Variants in EFNB2 observed in about 807,000 individuals in gnomAD.
EFNB2 encodes the protein ephrin-B2.
In EFNB2, 5 loss-of-function variants were observed where a neutral mutation model predicts 32.1. The observed-to-expected ratio is 0.16, with a 90% CI of 0.08 to 0.33. EFNB2 has a LOEUF of 0.33. Among genes scored for constraint, EFNB2 ranks in the 10% least tolerant of loss-of-function variants. The probability of loss-of-function intolerance (pLI) is 1.00; values close to 1 mark genes in which losing one functional copy is unlikely to be tolerated. For missense variants in EFNB2, 263 were observed against 422.6 expected (o/e 0.62, Z 3.31); for synonymous variants, 168 against 166.5 (o/e 1.01, Z -0.07).
intron 2 of EFNB2, among the ~76,000 whole-genome samples, chr13:106,504,582 C>T (rs1048902346): frequency 5.3e-5 from 8 of 152,202 alleles, no homozygotes; most frequent in Admixed American, 1.3e-4. Context: ...CAATTTCCCG[C>T]GTTTGTGCCA....
At position 106,492,924 on chromosome 13, in the gene EFNB2, C is replaced by T; in HGVS notation, c.*116G>A. 1 of 1,375,842 alleles carries T rather than the reference C, an allele frequency of 7.3e-7. No homozygotes were observed. Among genetic ancestry groups the T allele is most frequent in the Non-Finnish European group, 9.8e-7 (1 of 1,020,482 alleles). The allele number at this position is 1,375,842 out of a possible 1,614,324, so 85.2% of individuals were successfully genotyped here. A position where few individuals can be genotyped will look rare whatever the true frequency, so the allele number is the denominator to read the frequency against. On this transcript the variant is annotated 3_prime_UTR_variant, in exon 5 of 5. Transcript: ENST00000646441. This position sits in a 1 kb window ranked among gnomAD's most constrained non-coding sequence, Gnocchi z 5.1. ...GGCTCTTCCGAGGAGGAGTGTCCCT[C>T]TCCCCCGGTGCTGTGCTTCAGTCAA...
At chr13:106,514,582 C>T (rs1171088569) in intron 1 of EFNB2, among the ~76,000 whole-genome samples, 5 of 152,298 alleles carry the variant, frequency 3.3e-5, no homozygotes, top group South Asian at 2.1e-4. Flanking sequence ...AAACTAAATT[C>T]CATAAACATT....
intron 1 of EFNB2, among the ~76,000 whole-genome samples, chr13:106,534,221 C>T (rs975021739): frequency 2.0e-5 from 3 of 152,194 alleles, no homozygotes; most frequent in African/African-American, 7.2e-5. Context: ...CCCGTCTCCC[C>T]GGCGCGGAGG....
chr13:106,495,335 A>G (rs1878551610), intron 3 of EFNB2, among the ~76,000 whole-genome samples: 2 of 152,232 alleles, frequency 1.3e-5, no homozygotes, highest in African/African-American at 4.8e-5. Context: ...ACAATAGGTT[A>G]TCTATATTGG....
intron 1 of EFNB2, among the ~76,000 whole-genome samples, chr13:106,533,772 ACTT>A (rs886469423): frequency 1.6e-4 from 25 of 152,272 alleles, no homozygotes; most frequent in African/African-American, 5.5e-4. Context: ...ATGTCTGCAT[ACTT>A]CTTCTCCAAG....
chr13:106,519,759 CTG>C (rs1879437334), intron 1 of EFNB2: 1 of 152,092 alleles, frequency 6.6e-6, no homozygotes, highest in South Asian at 2.1e-4. Context: ...TTTTAGCTTT[CTG>C]TGTTTTCTTT....
At chr13:106,533,008 G>A (rs1398982845) in intron 1 of EFNB2, among the ~76,000 whole-genome samples, 1 of 151,670 alleles carries the variant, frequency 6.6e-6, no homozygotes, top group Non-Finnish European at 1.5e-5. Context: ...TTAATATAGC[G>A]CAAAGATAAA....
chr13:106,520,103 C>G (rs184738265), intron 1 of EFNB2: 356 of 152,178 alleles, frequency 2.3e-3, no homozygotes, highest in African/African-American at 8.3e-3. Flanking sequence ...ATTCTAAATC[C>G]CAGCTTTACA....
chr13:106,517,687 C>T (rs1213235441), intron 1 of EFNB2: 1 of 152,184 alleles, frequency 6.6e-6, no homozygotes, highest in Non-Finnish European at 1.5e-5. Context: ...TAGGCAACTC[C>T]AGTGGCTTTT....
In EFNB2 at chr13:106,493,243, G is replaced by C. The variant is rs1313807581; in HGVS notation, c.799C>G (p.Leu267Val). The C allele has an allele frequency of 6.8e-6, 11 of 1,614,116 alleles. No homozygotes were observed. Among genetic ancestry groups the C allele is most frequent in the Non-Finnish European group, 9.3e-6 (11 of 1,180,050 alleles). Reference sequence around the variant, plus strand: ...GGTGTGGCCAGTGTGCTGAGCGACAGCGTGGTCGTGTGCTGCGGCGAGTGC... The same window carrying C: ...GGTGTGGCCAGTGTGCTGAGCGACACCGTGGTCGTGTGCTGCGGCGAGTGC... ...RKHSPQHTTT[L>V]SLSTLATPKR... Residue 267 changes from leucine (L) to valine (V), a missense_variant, in exon 5 of 5, where the codon CTG (leucine) becomes GTG (valine). Leu to Val is a conservative substitution (Grantham distance 32). This residue lies in a region of EFNB2 where 172 missense variants were observed against 237.1 expected (regional missense o/e 0.73). Transcript: ENST00000646441. The surrounding 1 kb of genome is among the most constrained non-coding windows in gnomAD (Gnocchi z 6.1).
rs540279830 is a variant in EFNB2 at position 106,493,403 on chromosome 13, G to T, written c.639C>A (p.Ala213=). The T allele has an allele frequency of 1.2e-6, 2 of 1,613,180 alleles. No homozygotes were observed. Among genetic ancestry groups the T allele is most frequent in the Non-Finnish European group, 1.7e-6 (2 of 1,179,470 alleles). Residue 213 remains alanine (A), a synonymous_variant, in exon 5 of 5, where the codon GCC becomes GCA. Transcript: ENST00000646441. This position sits in a 1 kb window ranked among gnomAD's most constrained non-coding sequence, Gnocchi z 6.1. ...NPGSSTDGNS[A]GHSGNNILGS... Reference sequence around the variant, plus strand: ...CGAGGATGTTGTTCCCCGAATGTCCGGCGCTGTTGCCGTCTGTGCTAGAAC... The same window carrying T: ...CGAGGATGTTGTTCCCCGAATGTCCTGCGCTGTTGCCGTCTGTGCTAGAAC...
intron 2 of EFNB2, among the ~76,000 whole-genome samples, chr13:106,497,611 T>C (rs1878634690): frequency 6.6e-6 from 1 of 152,218 alleles, no homozygotes; most frequent in South Asian, 2.1e-4. Context: ...TACATATGTA[T>C]ACGTGTGCCA....
intron 1 of EFNB2, among the ~76,000 whole-genome samples, chr13:106,525,197 A>G (rs147031063): frequency 2.0e-5 from 3 of 152,294 alleles, no homozygotes; most frequent in African/African-American, 7.2e-5. Context: ...TGTCCCTATT[A>G]TAGAGATGGG....
chr13:106,499,574 T>C (rs1005043164), intron 2 of EFNB2, among the ~76,000 whole-genome samples: 1 of 152,220 alleles, frequency 6.6e-6, no homozygotes, highest in African/African-American at 2.4e-5. Context: ...TCTTTGTATC[T>C]TTCTATCAGC....
At chr13:106,531,718 T>C (rs1476427491) in intron 1 of EFNB2, among the ~76,000 whole-genome samples, 1 of 152,182 alleles carries the variant, frequency 6.6e-6, no homozygotes, top group East Asian at 1.9e-4. Context: ...CATCCAGCCA[T>C]TCTTTTGTAT....
chr13:106,498,709 G>A (rs1878674242), intron 2 of EFNB2, among the ~76,000 whole-genome samples: 1 of 152,156 alleles, frequency 6.6e-6, no homozygotes, highest in African/African-American at 2.4e-5. Flanking sequence ...AAGTCTTAGA[G>A]TTGAAGAAGG....
In EFNB2 at chr13:106,509,627, C is replaced by CTGTGTGTGTGTGTGTG. The variant is rs34068695; in HGVS notation, c.406+2886_406+2901dup. On this transcript the variant is annotated intron_variant, in intron 2 of 4. Transcript: ENST00000646441. Reference sequence around the variant, plus strand: ...TCAAAAAAGCCAGTACAGAGCTTGACTGTGTGTGTGTGTGTGTGTGTGTGT... The same window carrying CTGTGTGTGTGTGTGTG: ...TCAAAAAAGCCAGTACAGAGCTTGACTGTGTGTGTGTGTGTGTGTGTGTGTGTGTGTGTGTGTGTGT... 6.8e-3 allele frequency among the ~76,000 whole-genome samples: 972 copies of CTGTGTGTGTGTGTGTG among 142,646 alleles called. 11 individuals are homozygous for CTGTGTGTGTGTGTGTG. Among genetic ancestry groups the CTGTGTGTGTGTGTGTG allele is most frequent in the Non-Finnish European group, 8.5e-3 (555 of 65,006 alleles). 93.6% of individuals were successfully genotyped at this position (142,646 alleles called of 152,430 possible).
chr13:106,522,686 T>TA (rs1369512654), intron 1 of EFNB2, among the ~76,000 whole-genome samples: 1 of 84,880 alleles, frequency 1.2e-5, no homozygotes, highest in Non-Finnish European at 2.8e-5. Flanking sequence ...TACCATCATA[T>TA]TTTTTTTTAA....
At chr13:106,495,090 G>T in intron 3 of EFNB2, 96 bp from the exon 4 acceptor site, 1 of 912,964 alleles carries the variant, frequency 1.1e-6, no homozygotes, top group South Asian at 1.4e-5. Context: ...GAATAGCAAT[G>T]AACATAAGAG....
Sources: gnomAD v4.1 joint callset for allele counts (sites outside exome capture counted in the v4.1 genomes callset) on GRCh38, gnomAD v4.1.1 for gene constraint, gnomAD v4.1.1 regional missense constraint, Gnocchi (gnomAD v3.1) non-coding constraint, MANE v1.5 for transcripts, NCBI Gene and HGNC (gene_info 2026-07-23, HGNC 2026-07-21) for gene names.